RTN3: variants seen among roughly 807,000 people sequenced by gnomAD.
RTN3 encodes the protein reticulon 3.
Under a neutral mutation model 77.8 loss-of-function variants are expected in RTN3, and 49 were observed. The observed-to-expected ratio is 0.63, with a 90% CI of 0.50 to 0.80. RTN3 has a LOEUF of 0.80. Among genes scored for constraint, RTN3 ranks in the 30% least tolerant of loss-of-function variants. RTN3 has a pLI of 0.00. For synonymous variants in RTN3, 464 were observed against 446.9 expected, an observed-to-expected ratio of 1.04 and a Z score of -0.48; for missense variants, 1,236 against 1,211.9, an observed-to-expected ratio of 1.02 and a Z score of -0.29.
chr11:63,693,311 C>T lies in RTN3; in HGVS notation c.142+11533C>T, dbSNP rs556345713. ...CCAGCCTGACCAACATGGAGAAACG[C>T]CATCTCTACTAAAAATACAAAATTA... On this transcript the variant is annotated intron_variant, in intron 1 of 8. Coordinates refer to ENST00000377819, the MANE Select transcript of RTN3 (RefSeq NM_001265589.2). Among the ~76,000 whole-genome samples the T allele has an allele frequency of 5.3e-5, 8 of 152,078 alleles. No homozygotes were observed. The East Asian group carries it at 1.6e-3, about 30-fold the overall frequency.
At chr11:63,753,730 A>G (rs896635353) in intron 7 of RTN3, 22 bp downstream of exon 7, 1 of 1,606,254 alleles carries the variant, frequency 6.2e-7, no homozygotes, top group African/African-American at 1.3e-5. Context: ...TCTGTTCCAA[A>G]TCAAATGTGC....
At chr11:63,742,033 G>T (rs1369534362) in intron 3 of RTN3, among the ~76,000 whole-genome samples, 5 of 148,636 alleles carry the variant, frequency 3.4e-5, no homozygotes, top group African/African-American at 9.9e-5. Context: ...AGGCTGGAGT[G>T]CAGTGGCGCG....
chr11:63,709,345 A>G (rs1484779349), intron 2 of RTN3, among the ~76,000 whole-genome samples: 1 of 152,184 alleles, frequency 6.6e-6, no homozygotes, highest in Admixed American at 6.5e-5. Flanking sequence ...TTACTTTTCA[A>G]AACCCTTGAG....
At chr11:63,704,654 A>C (rs952461598) in intron 1 of RTN3, among the ~76,000 whole-genome samples, 197 bp from the exon 2 acceptor site, 8 of 152,168 alleles carry the variant, frequency 5.3e-5, no homozygotes, top group Non-Finnish European at 1.2e-4. Context: ...AACTTTTAGA[A>C]ATGCATCTTG....
At chr11:63,738,120 C>T (rs2013249875) in intron 3 of RTN3, among the ~76,000 whole-genome samples, 2 of 152,172 alleles carry the variant, frequency 1.3e-5, no homozygotes, top group Non-Finnish European at 2.9e-5. Context: ...AAGAAATAAT[C>T]TGTGTAAAAA....
intron 1 of RTN3, among the ~76,000 whole-genome samples, chr11:63,704,264 A>G (rs1355199716): frequency 2.0e-5 from 3 of 152,150 alleles, no homozygotes; most frequent in Admixed American, 6.5e-5. Context: ...CAGCTTCCCA[A>G]AGTGCTGGTA....
Position 63,718,734 on chromosome 11 carries a change from T to C in RTN3, c.232T>C (p.Ser78Pro). The change falls in exon 3 of 9, where the codon TCT (serine) becomes CCT (proline). Residue 78 changes from serine to proline, a missense_variant. Ser to Pro is a moderately conservative substitution (Grantham distance 74). Around this residue, in one of 3 missense-constraint regions of RTN3, gnomAD observed 1,056 missense variants for 990.4 expected, o/e 1.07. Transcript: ENST00000377819. ...GAGCTCTCTTTGCTCTGATGAGCCA[T>C]CTTCAGAAATTATGACTTCTTCCTT... ...GLSSLCSDEP[S>P]SEIMTSSFLS... 6.3e-7 allele frequency: 1 copy of C among 1,598,384 alleles called. No individual in the cohort carries two copies. Among genetic ancestry groups the C allele is most frequent in the East Asian group, 2.2e-5 (1 of 44,816 alleles).
chr11:63,756,219 C>T, intron 8 of RTN3, 49 bp downstream of exon 8: 1 of 1,290,674 alleles, frequency 7.7e-7, no homozygotes, highest in East Asian at 2.3e-5. Context: ...TTCCTTCCCC[C>T]CAATTATCTT....
intron 2 of RTN3, among the ~76,000 whole-genome samples, chr11:63,707,097 C>G (rs1478716343): frequency 6.6e-6 from 1 of 151,960 alleles, no homozygotes; most frequent in Non-Finnish European, 1.5e-5. Context: ...CGGGGTTTCA[C>G]CATGTTGACC....
intron 3 of RTN3, among the ~76,000 whole-genome samples, chr11:63,729,116 A>AT (rs1236497276): frequency 6.6e-6 from 1 of 151,976 alleles, no homozygotes; most frequent in Non-Finnish European, 1.5e-5. Context: ...ATTAAAAGAC[A>AT]TTTTTAGATA....
chr11:63,742,955 G>A (rs760119098), intron 3 of RTN3, among the ~76,000 whole-genome samples: 2 of 152,196 alleles, frequency 1.3e-5, no homozygotes, highest in East Asian at 1.9e-4. Context: ...ATCTCAGCTC[G>A]CTGCAACCTC....
chr11:63,748,835 T>G (rs1255807749), intron 3 of RTN3, among the ~76,000 whole-genome samples: 1 of 151,970 alleles, frequency 6.6e-6, no homozygotes, highest in African/African-American at 2.4e-5. Flanking sequence ...GCCCAGCTAA[T>G]TTTTATATTT....
intron 7 of RTN3, 44 bp from the exon 8 acceptor site, chr11:63,756,068 G>C: frequency 1.4e-6 from 2 of 1,392,702 alleles, no homozygotes; most frequent in Non-Finnish European, 2.0e-6. Context: ...GAAAATTGGT[G>C]ATCTGTATGT....
chr11:63,742,578 G>T (rs2013550270), intron 3 of RTN3, among the ~76,000 whole-genome samples: 1 of 151,998 alleles, frequency 6.6e-6, no homozygotes, highest in African/African-American at 2.4e-5. Context: ...CCTGGATGCG[G>T]AGGTTGCATT....
chr11:63,697,235 C>T (rs1052630744), intron 1 of RTN3, among the ~76,000 whole-genome samples: 2 of 151,884 alleles, frequency 1.3e-5, no homozygotes, highest in African/African-American at 4.8e-5. Context: ...GATGAATAAT[C>T]TTATAGCCAC....
intron 3 of RTN3, among the ~76,000 whole-genome samples, chr11:63,724,744 G>A (rs1309942697): frequency 6.6e-6 from 1 of 152,036 alleles, no homozygotes; most frequent in East Asian, 1.9e-4. Context: ...GCCCGCCTTG[G>A]CTTCCCAAAA....
intron 1 of RTN3, among the ~76,000 whole-genome samples, chr11:63,696,584 T>C (rs1448983463): frequency 2.7e-5 from 4 of 146,830 alleles, no homozygotes; most frequent in Non-Finnish European, 3.0e-5. Context: ...CTTGCTCTGT[T>C]GCCCACGTTG....
At chr11:63,734,734 AAC>A (rs754454322) in intron 3 of RTN3, among the ~76,000 whole-genome samples, 1,282 of 81,294 alleles carry the variant, frequency 0.016, 20 homozygotes, top group Middle Eastern at 0.038. Context: ...TCTGTCTCAA[AAC>A]ACACACACAC....
intron 3 of RTN3, chr11:63,747,073 T>C (rs1258145570): frequency 2.2e-6 from 1 of 448,192 alleles, no homozygotes; most frequent in Non-Finnish European, 4.5e-6. Context: ...TTTTGAAGAC[T>C]ATAGGCCAGT....
Sources: gnomAD v4.1 joint callset for allele counts (sites outside exome capture counted in the v4.1 genomes callset) on GRCh38, gnomAD v4.1.1 for gene constraint, gnomAD v4.1.1 regional missense constraint, MANE v1.5 for transcripts, NCBI Gene and HGNC (gene_info 2026-07-23, HGNC 2026-07-21) for gene names.